The following FAF1 variants were observed in gnomAD, a reference collection of about 807,000 sequenced individuals.
FAF1 encodes Fas associated factor 1, also known as FAS-associated factor 1.
Under a neutral mutation model 92.5 loss-of-function variants are expected in FAF1, and 25 were observed. That is an observed-to-expected ratio of 0.27 (90% CI 0.20 to 0.38). The LOEUF is 0.38. Among genes scored for constraint, FAF1 ranks in the 10% least tolerant of loss-of-function variants. The pLI is 1.00. For synonymous variants in FAF1, 234 were observed against 273.2 expected, an observed-to-expected ratio of 0.86 and a Z score of 1.42; for missense variants, 636 against 793.3, an observed-to-expected ratio of 0.80 and a Z score of 2.38.
rs76660036 is a variant in FAF1 at position 50,452,913 on chromosome 1, T to G, written c.1870-11390A>C. Reference sequence around the variant, plus strand: ...GGTGACAACATCACCCAACACCACATGGTCTCTTAATAGACCACATCCCTC... The same window carrying G: ...GGTGACAACATCACCCAACACCACAGGGTCTCTTAATAGACCACATCCCTC... On this transcript the variant is annotated intron_variant, in intron 18 of 18. Coordinates refer to ENST00000396153, the MANE Select transcript of FAF1 (RefSeq NM_007051.3). Among the ~76,000 whole-genome samples, 484 of 152,346 alleles carry G rather than the reference T, an allele frequency of 3.2e-3. 4 individuals are homozygous for G. The highest frequency in any genetic ancestry group is 0.011 in the African/African-American group (461 of 41,584).
At chr1:50,538,858 A>T (rs1648620776) in intron 14 of FAF1, among the ~76,000 whole-genome samples, 1 of 152,184 alleles carries the variant, frequency 6.6e-6, no homozygotes, top group Non-Finnish European at 1.5e-5. Context: ...TGCAATTTAC[A>T]CATATCCCCT....
intron 13 of FAF1, among the ~76,000 whole-genome samples, chr1:50,554,076 T>C (rs1376822484): frequency 6.6e-6 from 1 of 151,436 alleles, no homozygotes; most frequent in Admixed American, 6.6e-5. Context: ...TTCACGTTTA[T>C]TTGTTCCTTG....
intron 7 of FAF1, among the ~76,000 whole-genome samples, chr1:50,683,030 A>C (rs956326914): frequency 6.6e-6 from 1 of 151,518 alleles, no homozygotes; most frequent in African/African-American, 2.4e-5. Flanking sequence ...AGACTCCGTC[A>C]CAAAAAAAGA....
chr1:50,769,231 C>T (rs1056685821), intron 4 of FAF1, among the ~76,000 whole-genome samples: 3 of 152,082 alleles, frequency 2.0e-5, no homozygotes, highest in Non-Finnish European at 2.9e-5. Context: ...ATACAACCTC[C>T]CAAGATTGGA....
At chr1:50,855,363 T>C (rs1644382586) in intron 2 of FAF1, among the ~76,000 whole-genome samples, 1 of 151,830 alleles carries the variant, frequency 6.6e-6, no homozygotes. Flanking sequence ...CAATTCCAGA[T>C]TGTAGTGCCT....
intron 15 of FAF1, among the ~76,000 whole-genome samples, chr1:50,502,703 T>C (rs771989500): frequency 6.6e-6 from 1 of 152,220 alleles, no homozygotes; most frequent in African/African-American, 2.4e-5. Context: ...GTTGGAATAC[T>C]GTATTTTAGT....
intron 7 of FAF1, among the ~76,000 whole-genome samples, chr1:50,679,817 A>G (rs184097050): frequency 6.6e-6 from 1 of 152,338 alleles, no homozygotes; most frequent in Admixed American, 6.5e-5. Flanking sequence ...AACATAAATC[A>G]CTTCTGTACA....
At chr1:50,448,377 T>C (rs1646253724) in intron 18 of FAF1, among the ~76,000 whole-genome samples, 1 of 152,056 alleles carries the variant, frequency 6.6e-6, no homozygotes, top group Non-Finnish European at 1.5e-5. Context: ...GAGACCTTTT[T>C]TTTGCCTCCC....
Position 50,872,887 on chromosome 1 carries a change from G to C in FAF1, c.46-14890C>G, listed in dbSNP as rs372708080. On this transcript the variant is annotated intron_variant, in intron 1 of 18. Coordinates refer to ENST00000396153, the MANE Select transcript of FAF1 (RefSeq NM_007051.3). ...GCACTCCAGCCTGGGCAACAACAGC[G>C]AAACTCCGTCTGGAAAAAAAAAAAA... 1.8e-4 allele frequency among the ~76,000 whole-genome samples: 27 copies of C among 149,366 alleles called. No homozygotes were observed. The South Asian group carries it at 4.4e-3, about 24-fold the overall frequency.
chr1:50,887,327 G>T (rs981041837), intron 1 of FAF1, among the ~76,000 whole-genome samples: 30 of 152,138 alleles, frequency 2.0e-4, no homozygotes, highest in Admixed American at 1.1e-3. Context: ...TCGGTAGGTT[G>T]CCTGTTCACT....
intron 2 of FAF1, among the ~76,000 whole-genome samples, chr1:50,853,658 A>T (rs1644369179): frequency 6.6e-6 from 1 of 152,036 alleles, no homozygotes; most frequent in South Asian, 2.1e-4. Context: ...TTCACTTAAC[A>T]TTGGGTTATC....
chr1:50,672,479 C>T (rs1355974095), intron 7 of FAF1, among the ~76,000 whole-genome samples: 5 of 151,758 alleles, frequency 3.3e-5, no homozygotes, highest in Admixed American at 6.6e-5. Flanking sequence ...AATGGGATTT[C>T]GCCATGTTGC....
At position 50,711,823 on chromosome 1, in the gene FAF1, G is replaced by A. The variant is rs548901253; in HGVS notation, c.552-5932C>T. On this transcript the variant is annotated intron_variant, in intron 6 of 18. Coordinates refer to ENST00000396153, the MANE Select transcript of FAF1 (RefSeq NM_007051.3). The stretch of plus-strand genomic sequence containing the variant: ...ATTCTACCACATTCGTGCTCCTTAT[G>A]AGTAGAGTTTGTTTGGAGAAGTCAG... Among the ~76,000 whole-genome samples, 176 of 152,210 alleles carry A rather than the reference G, an allele frequency of 1.2e-3. 1 individual carries two copies. The highest frequency in any genetic ancestry group is 4.2e-3 in the African/African-American group (173 of 41,532).
At chr1:50,536,527 C>T (rs1277555485) in intron 14 of FAF1, among the ~76,000 whole-genome samples, 1 of 152,104 alleles carries the variant, frequency 6.6e-6, no homozygotes, top group Non-Finnish European at 1.5e-5. Flanking sequence ...TGGTCCTTTC[C>T]CTAATTATCC....
rs550282125 is a variant in FAF1 at position 50,845,227 on chromosome 1, T to C, written c.114+12702A>G. 4.6e-5 allele frequency among the ~76,000 whole-genome samples: 7 copies of C among 152,346 alleles called. No individual in the cohort carries two copies. The South Asian group carries it at 1.4e-3, about 32-fold the overall frequency. ...GGAAGGACACTGCAGAAGGAAGATG[T>C]ACGCCTGCAGTTTCTGGCTGCAACT... On this transcript the variant is annotated intron_variant, in intron 2 of 18. Transcript: ENST00000396153.
At chr1:50,746,953 T>C (rs1659655962) in intron 4 of FAF1, among the ~76,000 whole-genome samples, 1 of 152,194 alleles carries the variant, frequency 6.6e-6, no homozygotes, top group Admixed American at 6.5e-5. Flanking sequence ...TTTGGGCCGC[T>C]GCTTCCATGT....
At position 50,959,892 on chromosome 1, in the gene FAF1, A is replaced by ACCGCCG. The variant is rs532415159; in HGVS notation, c.-87_-82dup. On this transcript the variant is annotated 5_prime_UTR_variant, in exon 1 of 19. Coordinates refer to ENST00000396153, the MANE Select transcript of FAF1 (RefSeq NM_007051.3). Reference sequence around the variant, plus strand: ...GGCACCTCCTGCGACCGTCGCCGCCACCGCCGCCGCCGCCGCCGGGCGCCG... The same window carrying ACCGCCG: ...GGCACCTCCTGCGACCGTCGCCGCCACCGCCGCCGCCGCCGCCGCCGCCGGGCGCCG... 4 of 911,338 alleles carry ACCGCCG rather than the reference A, an allele frequency of 4.4e-6. No homozygotes were observed. Among genetic ancestry groups the ACCGCCG allele is most frequent in the Non-Finnish European group, 5.7e-6 (4 of 706,602 alleles). The allele number at this position is 911,338 out of a possible 1,614,324, so 56.5% of individuals were successfully genotyped here.
intron 7 of FAF1, among the ~76,000 whole-genome samples, chr1:50,688,613 G>C (rs1656779580): frequency 6.6e-6 from 1 of 152,160 alleles, no homozygotes; most frequent in Non-Finnish European, 1.5e-5. Flanking sequence ...GGAAGTTCGA[G>C]ACCAACCTGA....
intron 18 of FAF1, among the ~76,000 whole-genome samples, chr1:50,457,186 T>C (rs1314124100): frequency 1.3e-5 from 2 of 151,804 alleles, no homozygotes; most frequent in East Asian, 3.9e-4. Context: ...CAAAAGAATC[T>C]TCAGGTTTGG....
Sources: gnomAD v4.1 joint callset for allele counts (sites outside exome capture counted in the v4.1 genomes callset) on GRCh38, gnomAD v4.1.1 for gene constraint, MANE v1.5 for transcripts, NCBI Gene and HGNC (gene_info 2026-07-23, HGNC 2026-07-21) for gene names.